Variants in PTPRD observed in about 807,000 individuals in gnomAD.
PTPRD encodes receptor-type tyrosine-protein phosphatase delta.
Under a neutral mutation model 214.5 loss-of-function variants are expected in PTPRD, and 34 were observed. The ratio of observed to expected loss-of-function variants is 0.16; its 90% confidence interval spans 0.12 to 0.21. The LOEUF (loss-of-function observed/expected upper bound fraction) is 0.21, where lower values mean the gene tolerates loss of function less well. Ranked by LOEUF, PTPRD falls within the 10% of genes least tolerant of loss-of-function variation. PTPRD has a pLI of 1.00. For synonymous variants in PTPRD, 1,128 were observed against 845.7 expected (o/e 1.33, Z -5.79); for missense variants, 2,545 against 2,398.7 (o/e 1.06, Z -1.27).
At position 9,199,548 on chromosome 9, in the gene PTPRD, C is replaced by T. The variant is rs946722441; in HGVS notation, c.-202-16185G>A. ...CCAGACTAAATATAAATGGTGAGAA[C>T]TGATAAAAGTGTTATAAAGGAAACC... On this transcript the variant is annotated intron_variant, in intron 9 of 45. Coordinates refer to ENST00000381196, the MANE Select transcript of PTPRD (RefSeq NM_002839.4). Among the ~76,000 whole-genome samples, 30 of 151,958 alleles carry T rather than the reference C, an allele frequency of 2.0e-4. 1 individual carries two copies. Among genetic ancestry groups the T allele is most frequent in the Non-Finnish European group, 1.5e-5 (1 of 68,006 alleles).
chr9:10,491,300 T>G (rs1461183313), intron 2 of PTPRD, among the ~76,000 whole-genome samples: 1 of 152,166 alleles, frequency 6.6e-6, no homozygotes, highest in Non-Finnish European at 1.5e-5. Context: ...ACCACCTTTC[T>G]TTTCATTGAG....
At chr9:9,245,736 T>C (rs1046061196) in intron 9 of PTPRD, among the ~76,000 whole-genome samples, 2 of 152,164 alleles carry the variant, frequency 1.3e-5, no homozygotes, top group African/African-American at 4.8e-5. Flanking sequence ...AACCTGCACG[T>C]TGTGCACATG....
At chr9:8,382,816 G>GA (rs1386438771) in intron 37 of PTPRD, among the ~76,000 whole-genome samples, 2 of 152,164 alleles carry the variant, frequency 1.3e-5, no homozygotes, top group East Asian at 1.9e-4. Flanking sequence ...GTTGCTTAAG[G>GA]AAAAAAGCAG....
chr9:8,373,612 GGTGTGTGTGTGTGT>G (rs36212158), intron 39 of PTPRD, among the ~76,000 whole-genome samples: 70,703 of 141,288 alleles, frequency 0.5, 18,547 homozygotes, highest in Non-Finnish European at 0.62. Context: ...CATGGATGCG[GGTGTGTGTGTGTGT>G]GTGTGTGTGT....
intron 4 of PTPRD, among the ~76,000 whole-genome samples, chr9:9,952,727 T>C (rs1037303023): frequency 1.3e-5 from 2 of 152,082 alleles, no homozygotes; most frequent in African/African-American, 4.8e-5. Flanking sequence ...ATTTAAAAGA[T>C]GGTTAGAACT....
intron 8 of PTPRD, among the ~76,000 whole-genome samples, chr9:9,435,857 G>A (rs2143799883): frequency 1.3e-5 from 2 of 152,190 alleles, no homozygotes; most frequent in Non-Finnish European, 2.9e-5. Context: ...TTAATTACCA[G>A]CAAAAGATTT....
At chr9:9,546,387 G>T (rs143551767) in intron 8 of PTPRD, among the ~76,000 whole-genome samples, 3 of 151,668 alleles carry the variant, frequency 2.0e-5, no homozygotes, top group African/African-American at 7.2e-5. Context: ...TTAAATACCA[G>T]ATGTTTCTTT....
intron 4 of PTPRD, among the ~76,000 whole-genome samples, chr9:9,941,650 C>G (rs1269058978): frequency 6.6e-6 from 1 of 152,136 alleles, no homozygotes; most frequent in Non-Finnish European, 1.5e-5. Flanking sequence ...ATAAATTTGT[C>G]ACAATGTAAG....
At chr9:10,134,705 A>AT (rs1487939429) in intron 3 of PTPRD, among the ~76,000 whole-genome samples, 1 of 152,112 alleles carries the variant, frequency 6.6e-6, no homozygotes, top group African/African-American at 2.4e-5. Flanking sequence ...TAAAAATTAT[A>AT]TTAAAAAAAA....
chr9:9,495,179 AAT>A (rs1193757491), intron 8 of PTPRD, among the ~76,000 whole-genome samples: 1 of 152,078 alleles, frequency 6.6e-6, no homozygotes, highest in African/African-American at 2.4e-5. Context: ...AATGGGTCTA[AAT>A]GTCAGACCTA....
intron 9 of PTPRD, among the ~76,000 whole-genome samples, chr9:9,375,339 T>C (rs1021874749): frequency 6.6e-6 from 1 of 152,218 alleles, no homozygotes; most frequent in African/African-American, 2.4e-5. Context: ...TGGCTCATGC[T>C]ATAATCACAG....
chr9:8,736,259 G>C (rs2090347829), intron 11 of PTPRD, among the ~76,000 whole-genome samples: 1 of 152,078 alleles, frequency 6.6e-6, no homozygotes, highest in African/African-American at 2.4e-5. Flanking sequence ...TGTACCTATA[G>C]AACCCTCAAT....
At chr9:10,195,748 G>C (rs1476736937) in intron 3 of PTPRD, among the ~76,000 whole-genome samples, 2 of 152,122 alleles carry the variant, frequency 1.3e-5, no homozygotes, top group Non-Finnish European at 2.9e-5. Flanking sequence ...CATGGGGAAG[G>C]GTGGAGGAGA....
intron 8 of PTPRD, among the ~76,000 whole-genome samples, chr9:9,561,106 T>C (rs925475716): frequency 3.9e-5 from 6 of 152,118 alleles, no homozygotes; most frequent in Non-Finnish European, 5.9e-5. Flanking sequence ...CAGACAATAG[T>C]GTTGTAGAGC....
intron 12 of PTPRD, among the ~76,000 whole-genome samples, chr9:8,660,693 C>G (rs7870388): frequency 0.84 from 127,183 of 152,124 alleles, 53,529 homozygotes; most frequent in East Asian, 0.94. Flanking sequence ...ACATACTCTG[C>G]ATTTGGTCCT....
chr9:10,173,622 CA>C (rs773165771), intron 3 of PTPRD, among the ~76,000 whole-genome samples: 3 of 151,496 alleles, frequency 2.0e-5, no homozygotes, highest in Non-Finnish European at 4.4e-5. Context: ...CTTTTCAGAA[CA>C]TTTTTTTTTA....
At chr9:10,011,419 C>T (rs1189346826) in intron 4 of PTPRD, among the ~76,000 whole-genome samples, 1 of 151,812 alleles carries the variant, frequency 6.6e-6, no homozygotes, top group Admixed American at 6.6e-5. Flanking sequence ...TTTAACAAAA[C>T]AAATAAAAGA....
At chr9:10,503,638 T>C (rs1566573605) in intron 2 of PTPRD, among the ~76,000 whole-genome samples, 1 of 152,002 alleles carries the variant, frequency 6.6e-6, no homozygotes, top group Non-Finnish European at 1.5e-5. Flanking sequence ...GTTCTGAAAA[T>C]ATAGCAGTAA....
At chr9:8,763,280 G>C (rs923113485) in intron 11 of PTPRD, among the ~76,000 whole-genome samples, 2 of 152,146 alleles carry the variant, frequency 1.3e-5, no homozygotes, top group African/African-American at 4.8e-5. Context: ...GGGAGGCCGA[G>C]TTGGATGGAT....
Sources: allele counts gnomAD v4.1 joint callset (sites outside exome capture counted in the v4.1 genomes callset), GRCh38; gene constraint gnomAD v4.1.1; transcripts MANE v1.5; gene names NCBI Gene and HGNC (gene_info 2026-07-23, HGNC 2026-07-21).